Variants in CNTN6 observed in about 807,000 individuals in gnomAD.
The protein encoded by CNTN6 is contactin 6, also known as contactin-6.
In CNTN6, 137 loss-of-function variants were observed where a neutral mutation model predicts 122.8. That is an observed-to-expected ratio of 1.12 (90% CI 0.97 to 1.29). CNTN6 has a LOEUF of 1.29. CNTN6 is among the 50% of genes most tolerant of loss of function. CNTN6 has a pLI of 0.00. For missense variants in CNTN6, 1,634 were observed against 1,223.4 expected (o/e 1.34, Z -5.01); for synonymous variants, 570 against 426.0 (o/e 1.34, Z -4.16).
chr3:1,384,772 CAT>C (rs66929153), intron 19 of CNTN6, among the ~76,000 whole-genome samples: 3,502 of 120,698 alleles, frequency 0.029, 76 homozygotes, highest in African/African-American at 0.053. Flanking sequence ...TATATATACA[CAT>C]ATATATATAT....
At chr3:1,336,351 C>G (rs534048792) in intron 11 of CNTN6, among the ~76,000 whole-genome samples, 4 of 151,412 alleles carry the variant, frequency 2.6e-5, no homozygotes, top group Non-Finnish European at 2.9e-5. Context: ...CAATTGTCAC[C>G]GATTATATGA....
intron 1 of CNTN6, among the ~76,000 whole-genome samples, chr3:1,107,973 T>C (rs528237232): frequency 6.6e-6 from 1 of 152,192 alleles, no homozygotes; most frequent in African/African-American, 2.4e-5. Context: ...GAATCTCCAG[T>C]TGTGATGATA....
At chr3:1,138,851 T>A (rs1417460184) in intron 1 of CNTN6, among the ~76,000 whole-genome samples, 1 of 151,926 alleles carries the variant, frequency 6.6e-6, no homozygotes, top group African/African-American at 2.4e-5. Context: ...TAATTATATG[T>A]TATATCTATT....
intron 11 of CNTN6, among the ~76,000 whole-genome samples, chr3:1,348,157 C>CAAAAAAAAAAAAAAAAT (rs1705043137): frequency 1.6e-5 from 1 of 64,302 alleles, no homozygotes; most frequent in African/African-American, 6.9e-5. Context: ...ATGCTATAGA[C>CAAAAAAAAAAAAAAAAT]AAAAAAAAAA....
At chr3:1,128,552 AC>A (rs1433055721) in intron 1 of CNTN6, among the ~76,000 whole-genome samples, 1 of 152,046 alleles carries the variant, frequency 6.6e-6, no homozygotes, top group African/African-American at 2.4e-5. Context: ...TGGTACCTGC[AC>A]CAACACTTAA....
intron 1 of CNTN6, among the ~76,000 whole-genome samples, chr3:1,130,856 C>G (rs1158132315): frequency 6.6e-6 from 1 of 152,112 alleles, no homozygotes; most frequent in Non-Finnish European, 1.5e-5. Flanking sequence ...TTTATAGCAA[C>G]TATTAGAAAT....
chr3:1,194,751 C>T (rs2886164), intron 2 of CNTN6, among the ~76,000 whole-genome samples: 75,399 of 151,866 alleles, frequency 0.5, 21,113 homozygotes, highest in East Asian at 0.87. Context: ...TCTCCCAATA[C>T]CCCAGAGCCA....
chr3:1,402,509 T>C, intron 22 of CNTN6, 23 bp downstream of exon 22: 1 of 1,583,922 alleles, frequency 6.3e-7, no homozygotes, highest in Non-Finnish European at 8.6e-7. Flanking sequence ...ACCATTGCTG[T>C]AGTAGATTCT....
At chr3:1,260,215 T>G (rs1243343370) in intron 4 of CNTN6, among the ~76,000 whole-genome samples, 1 of 152,132 alleles carries the variant, frequency 6.6e-6, no homozygotes, top group Admixed American at 6.6e-5. Context: ...AAGAGAACTT[T>G]TCACAAACAC....
At chr3:1,381,405 C>A (rs1691862653) in intron 17 of CNTN6, among the ~76,000 whole-genome samples, 1 of 152,038 alleles carries the variant, frequency 6.6e-6, no homozygotes. Flanking sequence ...TTCCACATGG[C>A]AAGAAATAGA....
intron 4 of CNTN6, among the ~76,000 whole-genome samples, chr3:1,271,471 G>T (rs769494500): frequency 6.6e-6 from 1 of 152,174 alleles, no homozygotes; most frequent in Non-Finnish European, 1.5e-5. Flanking sequence ...TATCAGTAAG[G>T]CTGACACAGG....
intron 12 of CNTN6, among the ~76,000 whole-genome samples, chr3:1,361,463 T>TA (rs2126105137): frequency 6.6e-6 from 1 of 152,256 alleles, no homozygotes; most frequent in East Asian, 1.9e-4. Context: ...CAATACTAAT[T>TA]AAATGGTTTT....
intron 20 of CNTN6, 50 bp from the exon 21 acceptor site, chr3:1,401,383 G>C: frequency 1.4e-6 from 2 of 1,457,600 alleles, no homozygotes; most frequent in East Asian, 2.3e-5. Flanking sequence ...ATCATACTTT[G>C]ACCATGAGCT....
chr3:1,315,854 A>C (rs1162125666), intron 7 of CNTN6, among the ~76,000 whole-genome samples: 2 of 151,936 alleles, frequency 1.3e-5, no homozygotes, highest in Non-Finnish European at 2.9e-5. Flanking sequence ...GGTGAGATGC[A>C]GGAAATTTAC....
intron 3 of CNTN6, among the ~76,000 whole-genome samples, chr3:1,227,313 A>G (rs115201771): frequency 0.018 from 2,811 of 152,316 alleles, 84 homozygotes; most frequent in African/African-American, 0.064. Flanking sequence ...ACATACTAAC[A>G]GAGGTAATCA....
chr3:1,292,439 A>G (rs910152340), intron 5 of CNTN6, among the ~76,000 whole-genome samples: 1 of 152,186 alleles, frequency 6.6e-6, no homozygotes, highest in Non-Finnish European at 1.5e-5. Context: ...CGAACAAAAT[A>G]TTTCAGTCAA....
intron 5 of CNTN6, among the ~76,000 whole-genome samples, chr3:1,291,073 A>G (rs1695239902): frequency 6.6e-6 from 1 of 152,190 alleles, no homozygotes; most frequent in African/African-American, 2.4e-5. Context: ...ATTATTAGGG[A>G]AAGAGCAAAG....
chr3:1,196,515 G>T (rs1244903816), intron 2 of CNTN6, among the ~76,000 whole-genome samples: 1 of 152,120 alleles, frequency 6.6e-6, no homozygotes, highest in African/African-American at 2.4e-5. Context: ...CTCTAAAAGT[G>T]ACTGGCAGAG....
intron 4 of CNTN6, among the ~76,000 whole-genome samples, chr3:1,262,132 G>A (rs772415992): frequency 3.9e-5 from 6 of 152,044 alleles, no homozygotes; most frequent in Non-Finnish European, 7.4e-5. Flanking sequence ...TTGCCAAATG[G>A]GCAACCTCTT....
Sources: allele counts gnomAD v4.1 joint callset (sites outside exome capture counted in the v4.1 genomes callset), GRCh38; gene constraint gnomAD v4.1.1; transcripts MANE v1.5; gene names NCBI Gene and HGNC (gene_info 2026-07-23, HGNC 2026-07-21).